The following DHX57 variants were observed in gnomAD, a reference collection of about 807,000 sequenced individuals.
DHX57 encodes the protein DExH-box helicase 57.
DHX57 carries 105 observed loss-of-function variants against 156.2 expected under a neutral mutation model. The ratio of observed to expected loss-of-function variants is 0.67; its 90% CI spans 0.57 to 0.79. DHX57 has a LOEUF of 0.79. Among genes scored for constraint, DHX57 ranks in the 30% least tolerant of loss-of-function variants. The pLI, the probability that DHX57 is intolerant of heterozygous loss-of-function variation, is 0.00. For missense variants in DHX57, 1,847 were observed against 1,661.9 expected (o/e 1.11, Z -1.94); for synonymous variants, 704 against 595.6 (o/e 1.18, Z -2.65).
chr2:38,862,597 CTTT>C (rs1224828659), intron 3 of DHX57: 111 of 179,734 alleles, frequency 6.2e-4, no homozygotes, highest in Middle Eastern at 2.1e-3. Flanking sequence ...CTGGAATGTC[CTTT>C]TTTTTTTTTT....
chr2:38,859,960 C>T (rs1673104433), intron 5 of DHX57, among the ~76,000 whole-genome samples: 1 of 151,904 alleles, frequency 6.6e-6, no homozygotes, highest in African/African-American at 2.4e-5. Flanking sequence ...CAGAGGAGTG[C>T]ACAACCATGG....
chr2:38,855,398 CTT>C (rs1262529109), intron 7 of DHX57, 146 bp from the exon 8 acceptor site: 2 of 831,386 alleles, frequency 2.4e-6, no homozygotes, highest in African/African-American at 1.7e-5. Context: ...AACCTCCTGA[CTT>C]ATTACCAAGA....
intron 11 of DHX57, among the ~76,000 whole-genome samples, chr2:38,846,069 T>C (rs914576531): frequency 1.3e-5 from 2 of 152,026 alleles, no homozygotes; most frequent in Non-Finnish European, 2.9e-5. Flanking sequence ...TTTCACCATA[T>C]TGGCCAAGCT....
intron 2 of DHX57, 92 bp from the exon 3 acceptor site, chr2:38,863,611 C>T: frequency 1.3e-5 from 15 of 1,155,538 alleles, no homozygotes; most frequent in Non-Finnish European, 1.7e-5. Context: ...ACAATACAAA[C>T]TGGATTGTCA....
intron 13 of DHX57, among the ~76,000 whole-genome samples, chr2:38,837,598 C>T (rs1317495998): frequency 2.5e-4 from 1 of 3,978 alleles, no homozygotes; most frequent in African/African-American, 3.1e-4. Context: ...GCAACAAGAG[C>T]AAAACCCCGT....
chr2:38,817,210 G>C (rs1379244551), intron 19 of DHX57, among the ~76,000 whole-genome samples: 1 of 152,152 alleles, frequency 6.6e-6, no homozygotes, highest in Admixed American at 6.6e-5. Flanking sequence ...GGGATTATAG[G>C]CATGAGCCAC....
chr2:38,870,180 T>G (rs1441080368), intron 1 of DHX57, among the ~76,000 whole-genome samples: 1 of 151,584 alleles, frequency 6.6e-6, no homozygotes, highest in African/African-American at 2.4e-5. Context: ...GAGAGAACGA[T>G]AAATGAAGAA....
At chr2:38,849,356 G>T (rs1482680765) in intron 9 of DHX57, among the ~76,000 whole-genome samples, 1 of 152,100 alleles carries the variant, frequency 6.6e-6, no homozygotes, top group Admixed American at 6.5e-5. Flanking sequence ...TGGTCTCTTG[G>T]CCCTTGCCCC....
At chr2:38,829,056 C>T (rs1289392475) in intron 13 of DHX57, among the ~76,000 whole-genome samples, 1 of 151,760 alleles carries the variant, frequency 6.6e-6, no homozygotes, top group African/African-American at 2.4e-5. Flanking sequence ...ATTTTCCTAC[C>T]TTAGCCTCCT....
At chr2:38,846,628 A>AAG (rs1553332269) in intron 11 of DHX57, among the ~76,000 whole-genome samples, 1 of 151,758 alleles carries the variant, frequency 6.6e-6, no homozygotes, top group Non-Finnish European at 1.5e-5. Flanking sequence ...AAAAAAAAAA[A>AAG]AAAGAAAGAA....
intron 1 of DHX57, among the ~76,000 whole-genome samples, chr2:38,870,376 A>C (rs1040548596): frequency 6.6e-6 from 1 of 152,262 alleles, no homozygotes; most frequent in Non-Finnish European, 1.5e-5. Context: ...AATGGCCTCC[A>C]ACTATTAGAA....
At chr2:38,809,522 C>T (rs569083112) in intron 21 of DHX57, among the ~76,000 whole-genome samples, 16 of 148,218 alleles carry the variant, frequency 1.1e-4, no homozygotes, top group Non-Finnish European at 1.5e-4. Flanking sequence ...AGTGTGGTGG[C>T]GCAATTTCAG....
In DHX57 at chr2:38,826,586, T is replaced by C; in HGVS notation, c.2743A>G (p.Ile915Val). The change falls in exon 15 of 24, where the codon ATT becomes GTT. Residue 915 changes from isoleucine (I) to valine (V), a missense_variant. Ile to Val is a conservative substitution (Grantham distance 29). Transcript: ENST00000457308. ...GVTKIIISTN[I>V]AETSITIDDV... is the part of the protein sequence containing the mutation. ...TCGATGGTTATGGATGTCTCAGCAA[T>C]GTTGGTGGAAATTATAATCTTAGTT... 6.2e-7 allele frequency: 1 copy of C among 1,614,168 alleles called. No homozygotes were observed. The highest frequency in any genetic ancestry group is 1.1e-5 in the South Asian group (1 of 91,076).
intron 2 of DHX57, chr2:38,867,275 CAA>C (rs1572713890): frequency 6.6e-6 from 1 of 152,170 alleles, no homozygotes; most frequent in Non-Finnish European, 1.5e-5. Flanking sequence ...AATTGCCTAA[CAA>C]TGCATTTTTC....
chr2:38,869,002 A>G (rs373508106), intron 1 of DHX57, among the ~76,000 whole-genome samples: 3 of 152,058 alleles, frequency 2.0e-5, no homozygotes, highest in Non-Finnish European at 4.4e-5. Context: ...GGATTTCACC[A>G]TGTTGGCCAG....
At chr2:38,842,616 G>C (rs1672067471) in intron 12 of DHX57, among the ~76,000 whole-genome samples, 1 of 152,028 alleles carries the variant, frequency 6.6e-6, no homozygotes, top group Non-Finnish European at 1.5e-5. Flanking sequence ...AAAAAATGAA[G>C]TAAACATTAA....
At chr2:38,868,951 G>A (rs910699203) in intron 1 of DHX57, among the ~76,000 whole-genome samples, 9 of 152,068 alleles carry the variant, frequency 5.9e-5, no homozygotes, top group Non-Finnish European at 1.2e-4. Context: ...ACAGGCGCCT[G>A]CCACCACGCC....
intron 9 of DHX57, among the ~76,000 whole-genome samples, chr2:38,850,938 C>T (rs1672556363): frequency 6.6e-6 from 1 of 152,030 alleles, no homozygotes; most frequent in South Asian, 2.1e-4. Flanking sequence ...TTAGCCAGGC[C>T]TGGTGGCGTG....
At chr2:38,826,087 A>C in intron 15 of DHX57, 40 bp from the exon 16 acceptor site, 3 of 1,585,138 alleles carry the variant, frequency 1.9e-6, no homozygotes, top group Non-Finnish European at 2.6e-6. Context: ...TCATTTTATA[A>C]AAACATGGCC....
Sources: gnomAD v4.1 joint callset for allele counts (sites outside exome capture counted in the v4.1 genomes callset) on GRCh38, gnomAD v4.1.1 for gene constraint, MANE v1.5 for transcripts, NCBI Gene and HGNC (gene_info 2026-07-23, HGNC 2026-07-21) for gene names.